TMF1: variants seen among roughly 807,000 people sequenced by gnomAD.
TMF1 encodes TATA element modulatory factor.
TMF1 carries 71 observed loss-of-function variants against 126.5 expected under a neutral mutation model. That is an observed-to-expected ratio of 0.56 (90% CI 0.46 to 0.68). TMF1 has a LOEUF of 0.68. Ranked by LOEUF, TMF1 falls within the 30% of genes least tolerant of loss-of-function variation. The pLI, the probability that TMF1 is intolerant of heterozygous loss-of-function variation, is 0.00. For synonymous variants in TMF1, 461 were observed against 430.5 expected (o/e 1.07, Z -0.88); for missense variants, 1,259 against 1,253.2 (o/e 1.00, Z -0.07).
chr3:69,042,304 C>G (rs908379472), intron 5 of TMF1: 4 of 454,734 alleles, frequency 8.8e-6, no homozygotes, highest in Non-Finnish European at 1.8e-5. Context: ...TCCCCAAGTG[C>G]TGAGATTACA....
At chr3:69,029,789 A>C in intron 11 of TMF1, 26 bp downstream of exon 11, 1 of 1,570,994 alleles carries the variant, frequency 6.4e-7, no homozygotes, top group Non-Finnish European at 8.6e-7. Flanking sequence ...GAACTACCAA[A>C]AATATCACTC....
At chr3:69,042,028 AATTTT>A (rs1303470307) in intron 5 of TMF1, among the ~76,000 whole-genome samples, 6 of 151,968 alleles carry the variant, frequency 3.9e-5, no homozygotes, top group Admixed American at 1.3e-4. Context: ...TAATGCTATT[AATTTT>A]ATTTTATTTA....
chr3:69,042,556 AC>A lies in TMF1; in HGVS notation c.1684+250del, dbSNP rs2091872976. 3 of 590,750 alleles carry A rather than the reference AC, an allele frequency of 5.1e-6. No homozygotes were observed. In the East Asian group the frequency reaches 1.1e-4, roughly 22 times the overall value. The allele number at this position is 590,750 out of a possible 1,614,324, so 36.6% of individuals were successfully genotyped here. A position where few individuals can be genotyped will look rare whatever the true frequency, so the allele number is the denominator to read the frequency against. On this transcript the variant is annotated intron_variant, in intron 5 of 16. Transcript: ENST00000398559. ...CTGTTTAAAGTTTTCTTAGGGCAGCACAAATTTCTGTCTATTTTACAGGGAC... is the reference window on the plus strand; with the variant it reads ...CTGTTTAAAGTTTTCTTAGGGCAGCAAAATTTCTGTCTATTTTACAGGGAC...
rs1407098529 is a variant in TMF1, at chr3:69,044,591, A to C, written c.1352T>G (p.Val451Gly). 2 of 1,604,360 alleles carry C rather than the reference A, an allele frequency of 1.2e-6. No individual in the cohort carries two copies. Among genetic ancestry groups the C allele is most frequent in the Admixed American group, 3.4e-5 (2 of 58,162 alleles). Residue 451 changes from valine (V) to glycine (G), a missense_variant, in exon 3 of 17, where the codon GTT (valine) becomes GGT (glycine). Val to Gly is a moderately radical substitution (Grantham distance 109). Transcript: ENST00000398559. ...TTCCAGCTTTTCATTCAGAAATTCA[A>C]CTGTCTGGATAAGGCGAATACATAA... ...LSEKEDVCKT[V>G]EFLNEKLEKR... is the part of the protein sequence containing the mutation.
Position 69,038,651 on chromosome 3 carries a change from A to G in TMF1, c.2064T>C (p.Arg688=). 1 of 1,614,130 alleles carries G rather than the reference A, an allele frequency of 6.2e-7. No homozygotes were observed. The highest frequency in any genetic ancestry group is 8.5e-7 in the Non-Finnish European group (1 of 1,180,004). ...AAAGTTCTTCTTTAGCTTTCATTTCACGGCTCAGAGCAGCTTCCTGTGCCT... is the reference window on the plus strand; with the variant it reads ...AAAGTTCTTCTTTAGCTTTCATTTCGCGGCTCAGAGCAGCTTCCTGTGCCT... ...DSEAQEAALS[R]EMKAKEELSA... The change falls in exon 8 of 17, where the codon CGT becomes CGC. Residue 688 remains arginine (R), a synonymous_variant. Transcript: ENST00000398559.
Position 69,022,904 on chromosome 3 carries a change from A to G in TMF1, c.*273T>C. The G allele has an allele frequency of 3.8e-6, 1 of 262,462 alleles. No individual in the cohort carries two copies. The highest frequency in any genetic ancestry group is 7.2e-6 in the Non-Finnish European group (1 of 139,514). The allele number at this position is 262,462 out of a possible 1,614,324, so 16.3% of individuals were successfully genotyped here. On this transcript the variant is annotated 3_prime_UTR_variant, in exon 17 of 17. Transcript: ENST00000398559. The stretch of plus-strand genomic sequence containing the variant: ...CTCTAGCCATATTTATATGAGGATA[A>G]AGTAATAAATCTCTGTGCTATTCAA...
At position 69,043,845 on chromosome 3, in the gene TMF1, T is replaced by C; in HGVS notation, c.1483A>G (p.Ser495Gly). ...EMFRVKEESS[S>G]ISSLKDEFTQ... ...AACTCATCTTTCAAGGAAGAAATGC[T>C]ACTGCTTTCTTCTTTCACTCTGAAC... is the stretch of plus-strand genomic sequence containing the variant. Residue 495 changes from serine (S) to glycine (G), a missense_variant, in exon 4 of 17, where the codon AGC (serine) becomes GGC (glycine). Transcript: ENST00000398559. 1 of 1,608,288 alleles carries C rather than the reference T, an allele frequency of 6.2e-7. No homozygotes were observed. The highest frequency in any genetic ancestry group is 8.5e-7 in the Non-Finnish European group (1 of 1,177,050).
chr3:69,036,688 T>G (rs191131337), intron 8 of TMF1, among the ~76,000 whole-genome samples: 14 of 152,274 alleles, frequency 9.2e-5, no homozygotes, highest in Admixed American at 7.8e-4. Context: ...ATGTAAATGT[T>G]TTACACATAC....
At chr3:69,037,277 G>A (rs1004345943) in intron 8 of TMF1, among the ~76,000 whole-genome samples, 29 of 151,926 alleles carry the variant, frequency 1.9e-4, no homozygotes, top group Non-Finnish European at 2.8e-4. Context: ...GGCGGATCAC[G>A]AGGTCAGGAG....
At position 69,039,465 on chromosome 3, in the gene TMF1, C is replaced by T. The variant is rs969654780; in HGVS notation, c.1827+86G>A. 6 of 1,420,272 alleles carry T rather than the reference C, an allele frequency of 4.2e-6. No individual in the cohort carries two copies. The African/African-American group carries it at 8.7e-5, about 21-fold the overall frequency. The allele number at this position is 1,420,272 out of a possible 1,614,324, so 88.0% of individuals were successfully genotyped here. A position where few individuals can be genotyped will look rare whatever the true frequency, so the allele number is the denominator to read the frequency against. The stretch of plus-strand genomic sequence containing the variant: ...TCTTACATGATATACCCCATTAAAT[C>T]TTTTCAAATGCTCCATAACCATGGC... On this transcript the variant is annotated intron_variant, in intron 6 of 16. Transcript: ENST00000398559.
intron 1 of TMF1, 89 bp downstream of exon 1, chr3:69,051,856 G>A (rs1223975631): frequency 2.1e-6 from 3 of 1,426,840 alleles, no homozygotes; most frequent in Non-Finnish European, 2.8e-6. Context: ...TCTCAGCAAG[G>A]AAGGACCCCT....
rs1224685500 is a variant in TMF1 at position 69,021,814 on chromosome 3, A to AGGATTACAGGCGCACACCACCAC, written c.*1340_*1362dup. On this transcript the variant is annotated 3_prime_UTR_variant, in exon 17 of 17. Coordinates refer to ENST00000398559, the MANE Select transcript of TMF1 (RefSeq NM_007114.3). ...TCCTGCCTCAGCCTCCCGAGTAGCT[A>AGGATTACAGGCGCACACCACCAC]GGATTACAGGCGCACACCACCACGC... 4 of 151,790 alleles carry AGGATTACAGGCGCACACCACCAC rather than the reference A, an allele frequency of 2.6e-5. No individual in the cohort carries two copies. The East Asian group carries it at 5.8e-4, about 22-fold the overall frequency. 9.4% of individuals were successfully genotyped at this position (151,790 alleles called of 1,614,324 possible).
chr3:69,030,831 C>T (rs2091797356), intron 10 of TMF1, among the ~76,000 whole-genome samples: 1 of 152,186 alleles, frequency 6.6e-6, no homozygotes, highest in Admixed American at 6.5e-5. Context: ...CTTACACAGC[C>T]ACTTTGTAAA....
chr3:69,040,590 G>C (rs1219105314), intron 5 of TMF1: 1 of 152,198 alleles, frequency 6.6e-6, no homozygotes, highest in Non-Finnish European at 1.5e-5. Context: ...ATTCATTGTA[G>C]TGTGCTTTCA....
At chr3:69,049,915 TA>T (rs1370813571) in intron 1 of TMF1, among the ~76,000 whole-genome samples, 34 of 152,282 alleles carry the variant, frequency 2.2e-4, no homozygotes, top group African/African-American at 7.9e-4. Flanking sequence ...AGAGCACAAG[TA>T]ACTAAAAGCT....
rs754097134 is a variant in TMF1, at chr3:69,038,879, T to C, written c.1958A>G (p.Asn653Ser). The C allele has an allele frequency of 6.2e-7, 1 of 1,610,988 alleles. No individual in the cohort carries two copies. The highest frequency in any genetic ancestry group is 1.1e-5 in the South Asian group (1 of 90,362). Reference sequence around the variant, plus strand: ...ATCCAGGGCAGCCTGAATACTTCGGTTCTTTTCTTCAAGTTCATCCATGTC... The same window carrying C: ...ATCCAGGGCAGCCTGAATACTTCGGCTCTTTTCTTCAAGTTCATCCATGTC... ...QVDMDELEEKNRSIQAALDSA... is the reference protein window; with the variant it reads ...QVDMDELEEKSRSIQAALDSA... The change falls in exon 7 of 17, where the codon AAC (asparagine) becomes AGC (serine). Residue 653 changes from asparagine (N) to serine (S), a missense_variant. Transcript: ENST00000398559.
At position 69,023,203 on chromosome 3, in the gene TMF1, C is replaced by T; in HGVS notation, c.3256G>A (p.Glu1086Lys). The T allele has an allele frequency of 6.2e-7, 1 of 1,610,574 alleles. No individual in the cohort carries two copies. ...VKNMYKTQID[E>K]LLRQSLS ...TAACTGAGACTTTGTCTTAAAAGTT[C>T]ATCTATTTGAGTTTTGTACATATTT... The change falls in exon 17 of 17, where the codon GAA becomes AAA. Residue 1086 changes from glutamate (E) to lysine (K), a missense_variant. Glu to Lys is a moderately conservative substitution (Grantham distance 56, BLOSUM62 1). Transcript: ENST00000398559.
At chr3:69,044,397 A>C in intron 3 of TMF1, 95 bp downstream of exon 3, 1 of 652,286 alleles carries the variant, frequency 1.5e-6, no homozygotes, top group East Asian at 3.0e-5. Flanking sequence ...ATAAAATTAC[A>C]AAACATTTTA....
At chr3:69,043,326 T>C (rs551266737) in intron 4 of TMF1, among the ~76,000 whole-genome samples, 22 of 152,232 alleles carry the variant, frequency 1.4e-4, no homozygotes, top group Admixed American at 1.2e-3. Flanking sequence ...TGTACCACCA[T>C]GGCCAGCTAA....
Sources: allele counts gnomAD v4.1 joint callset (sites outside exome capture counted in the v4.1 genomes callset), GRCh38; gene constraint gnomAD v4.1.1; transcripts MANE v1.5; gene names NCBI Gene and HGNC (gene_info 2026-07-23, HGNC 2026-07-21).